Variants in KIT observed in about 807,000 individuals in gnomAD.
The protein encoded by KIT is mast/stem cell growth factor receptor Kit.
A neutral mutation model predicts 105.7 loss-of-function variants in KIT; 16 were observed. That is an observed-to-expected ratio of 0.15 (90% CI 0.10 to 0.23). The LOEUF (loss-of-function observed/expected upper bound fraction) is 0.23, where lower values mean the gene tolerates loss of function less well. KIT is among the 10% of genes least tolerant of loss of function. The probability of loss-of-function intolerance (pLI) is 1.00; values close to 1 mark genes in which losing one functional copy is unlikely to be tolerated. For synonymous variants in KIT, 438 were observed against 441.1 expected (o/e 0.99, Z 0.09); for missense variants, 858 against 1,213.8 (o/e 0.71, Z 4.36).
intron 2 of KIT, among the ~76,000 whole-genome samples, chr4:54,697,364 G>C (rs754540152): frequency 1.3e-5 from 2 of 152,200 alleles, no homozygotes; most frequent in Non-Finnish European, 2.9e-5. Context: ...AGATGGAAAG[G>C]ACAGTTTAAA....
chr4:54,678,053 T>C (rs1275265870), intron 1 of KIT, among the ~76,000 whole-genome samples: 1 of 152,200 alleles, frequency 6.6e-6, no homozygotes, highest in Admixed American at 6.5e-5. Flanking sequence ...TATTCTCTTA[T>C]ACCTATCGTA....
intron 7 of KIT, among the ~76,000 whole-genome samples, chr4:54,716,718 AT>A (rs1472247229): frequency 6.6e-6 from 1 of 152,212 alleles, no homozygotes; most frequent in African/African-American, 2.4e-5. Context: ...ATGTGACTGA[AT>A]TTTAAAAGAA....
chr4:54,678,342 T>TTCCTTCCC, intron 1 of KIT, among the ~76,000 whole-genome samples: 1 of 93,630 alleles, frequency 1.1e-5, no homozygotes, highest in Non-Finnish European at 2.0e-5. Context: ...CCTTCCTTCC[T>TTCCTTCCC]TCCTTCCTTC....
At chr4:54,675,567 G>T (rs548750494) in intron 1 of KIT, among the ~76,000 whole-genome samples, 1 of 152,302 alleles carries the variant, frequency 6.6e-6, no homozygotes, top group East Asian at 1.9e-4. Context: ...TTAAACCAAT[G>T]TGATTGTTTT....
chr4:54,694,157 A>G (rs1352048516), intron 1 of KIT, among the ~76,000 whole-genome samples: 5 of 152,154 alleles, frequency 3.3e-5, no homozygotes, highest in Non-Finnish European at 7.4e-5. Context: ...GTGCTCCGCA[A>G]GGTACCCTGT....
chr4:54,738,625 T>G lies in KIT; in HGVS notation c.*68T>G. ...CTTTTGGCTTCCATGATGGTTATTTTCTTTTCTTTCAACTTGCATCCAACT... is the reference window on the plus strand; with the variant it reads ...CTTTTGGCTTCCATGATGGTTATTTGCTTTTCTTTCAACTTGCATCCAACT... On this transcript the variant is annotated 3_prime_UTR_variant, in exon 21 of 21. Transcript: ENST00000288135. 1 of 1,590,802 alleles carries G rather than the reference T, an allele frequency of 6.3e-7. No homozygotes were observed. The highest frequency in any genetic ancestry group is 8.6e-7 in the Non-Finnish European group (1 of 1,166,788).
chr4:54,725,728 T>A, intron 8 of KIT, 129 bp from the exon 9 acceptor site: 1 of 918,348 alleles, frequency 1.1e-6, no homozygotes, highest in Non-Finnish European at 1.7e-6. Context: ...TCTTAGACAC[T>A]TGTAAAAGGA....
At chr4:54,712,085 C>A (rs919195442) in intron 7 of KIT, among the ~76,000 whole-genome samples, 1 of 152,096 alleles carries the variant, frequency 6.6e-6, no homozygotes, top group Admixed American at 6.5e-5. Context: ...ATTGTTCATA[C>A]AGAATTTTAT....
rs2109714391 is a variant in KIT, at chr4:54,709,512, G to T, written c.1204G>T (p.Ala402Ser). 6.2e-7 allele frequency: 1 copy of T among 1,606,570 alleles called. No homozygotes were observed. The highest frequency in any genetic ancestry group is 8.5e-7 in the Non-Finnish European group (1 of 1,173,126). The change falls in exon 7 of 21, where the codon GCC (alanine) becomes TCC (serine). Residue 402 changes from alanine (A) to serine (S), a missense_variant. Physicochemically the swap from Ala to Ser is moderately conservative, Grantham distance 99. Coordinates refer to ENST00000288135, the MANE Select transcript of KIT (RefSeq NM_000222.3). ...FLVSNSDVNAAIAFNVYVNTK... is the reference protein window; with the variant it reads ...FLVSNSDVNASIAFNVYVNTK... ...AGTGTCCAATTCTGACGTCAATGCT[G>T]CCATAGCATTTAATGTTTATGTGAA...
chr4:54,736,064 C>T (rs552146744), intron 17 of KIT, among the ~76,000 whole-genome samples: 9 of 152,256 alleles, frequency 5.9e-5, no homozygotes, highest in Non-Finnish European at 1.2e-4. Flanking sequence ...TGGCCAAAAC[C>T]GAGTCACCTA....
chr4:54,668,750 G>A (rs1478098375), intron 1 of KIT, among the ~76,000 whole-genome samples: 2 of 152,170 alleles, frequency 1.3e-5, no homozygotes, highest in Admixed American at 6.5e-5. Context: ...CTTGGCTAGT[G>A]CACACTTAAA....
chr4:54,737,291 C>G lies in KIT; in HGVS notation c.2802+11C>G, dbSNP rs1479734909. 1.3e-6 allele frequency: 2 copies of G among 1,546,732 alleles called. No individual in the cohort carries two copies. On this transcript the variant is annotated intron_variant, in intron 20 of 20. Transcript: ENST00000288135. ...GAGAGCACCAATCATGTGAGTATAC[C>G]CTGGCCAGGCATAGAATCCCCCTTC... is the stretch of plus-strand genomic sequence containing the variant.
chr4:54,724,774 CA>C (rs1577990518), intron 8 of KIT, among the ~76,000 whole-genome samples: 1 of 150,724 alleles, frequency 6.6e-6, no homozygotes, highest in South Asian at 2.1e-4. Context: ...AAAAAAATTG[CA>C]AAAAAATCTC....
rs1723167677 is a variant in KIT at position 54,740,243 on chromosome 4, T to A, written c.*1686T>A. 1 of 233,466 alleles carries A rather than the reference T, an allele frequency of 4.3e-6. No homozygotes were observed. The highest frequency in any genetic ancestry group is 8.5e-6 in the Non-Finnish European group (1 of 117,992). 14.5% of individuals were successfully genotyped at this position (233,466 alleles called of 1,614,324 possible). On this transcript the variant is annotated 3_prime_UTR_variant, in exon 21 of 21. Coordinates refer to ENST00000288135, the MANE Select transcript of KIT (RefSeq NM_000222.3). ...TCTATGCTCTCGCACCTTTCCAAAG[T>A]TAACAGATTTTGGGGTTGTGTTGTC...
chr4:54,711,262 A>T (rs1721143219), intron 7 of KIT, among the ~76,000 whole-genome samples: 1 of 152,262 alleles, frequency 6.6e-6, no homozygotes, highest in Non-Finnish European at 1.5e-5. Flanking sequence ...TAAGCCAATG[A>T]AAAGAAATAG....
At chr4:54,684,067 G>T (rs1719131704) in intron 1 of KIT, among the ~76,000 whole-genome samples, 1 of 152,138 alleles carries the variant, frequency 6.6e-6, no homozygotes, top group Non-Finnish European at 1.5e-5. Context: ...GCAGAAAACT[G>T]AAGGGCTGAC....
rs2109820936 is a variant in KIT, at chr4:54,738,830, G to A, written c.*273G>A. The A allele has an allele frequency of 1.7e-6, 1 of 602,208 alleles. No individual in the cohort carries two copies. The highest frequency in any genetic ancestry group is 3.0e-6 in the Non-Finnish European group (1 of 338,780). 37.3% of individuals were successfully genotyped at this position (602,208 alleles called of 1,614,324 possible). On this transcript the variant is annotated 3_prime_UTR_variant, in exon 21 of 21. Coordinates refer to ENST00000288135, the MANE Select transcript of KIT (RefSeq NM_000222.3). ...ATTTGGAAAAAGAGAGGGAGGTATG[G>A]ACTGGGGGCCAGAGTCCTTTCCAAG... is the stretch of plus-strand genomic sequence containing the variant.
chr4:54,709,362 A>G, intron 6 of KIT, 62 bp from the exon 7 acceptor site: 1 of 1,053,500 alleles, frequency 9.5e-7, no homozygotes, highest in African/African-American at 1.6e-5. Flanking sequence ...AGAAACTGAA[A>G]AAGACATGCC....
In KIT at chr4:54,695,536, C is replaced by T; in HGVS notation, c.92C>T (p.Pro31Leu). ...QTGSSQPSVS[P>L]GEPSPPSIHP... ...GGCTCTTCTCAACCATCTGTGAGTC[C>T]AGGGGAACCGTCTCCACCATCCATC... Residue 31 changes from proline (P) to leucine (L), a missense_variant, in exon 2 of 21, where the codon CCA becomes CTA. Pro to Leu is a moderately conservative substitution (Grantham distance 98). Around this residue, in one of 7 missense-constraint regions of KIT, gnomAD observed 46 missense variants for 38.8 expected, o/e 1.19. Coordinates refer to ENST00000288135, the MANE Select transcript of KIT (RefSeq NM_000222.3). 1 of 1,614,110 alleles carries T rather than the reference C, an allele frequency of 6.2e-7. No individual in the cohort carries two copies. Among genetic ancestry groups the T allele is most frequent in the Non-Finnish European group, 8.5e-7 (1 of 1,180,022 alleles).
Sources: allele counts gnomAD v4.1 joint callset (sites outside exome capture counted in the v4.1 genomes callset), GRCh38; gene constraint gnomAD v4.1.1; regional missense constraint gnomAD v4.1.1; transcripts MANE v1.5; gene names NCBI Gene and HGNC (gene_info 2026-07-23, HGNC 2026-07-21).